CLASP1: variants seen among roughly 807,000 people sequenced by gnomAD.
The protein encoded by CLASP1 is cytoplasmic linker associated protein 1.
A neutral mutation model predicts 192.3 loss-of-function variants in CLASP1; 38 were observed. That is an observed-to-expected ratio of 0.20 (90% confidence interval 0.15 to 0.26). The LOEUF is 0.26. Ranked by LOEUF, CLASP1 falls within the 10% of genes least tolerant of loss-of-function variation. CLASP1 has a pLI of 1.00. For missense variants in CLASP1, 1,433 were observed against 1,932.5 expected (o/e 0.74, Z 4.85); for synonymous variants, 691 against 712.8 (o/e 0.97, Z 0.49).
chr2:121,445,418 G>A lies in CLASP1; in HGVS notation c.1912+1919C>T, dbSNP rs575876931. ...CTAGCAATGCCTATCCCAACTACAC[G>A]TCCAGCAGCAAAAGCTGTCGAGCAT... is the stretch of plus-strand genomic sequence containing the variant. On this transcript the variant is annotated intron_variant, in intron 19 of 39. Transcript: ENST00000263710. The A allele has an allele frequency of 9.2e-5, 118 of 1,277,906 alleles. 1 individual carries two copies. The East Asian group carries it at 2.1e-3, about 23-fold the overall frequency. The allele number at this position is 1,277,906 out of a possible 1,614,324, so 79.2% of individuals were successfully genotyped here. A position where few individuals can be genotyped will look rare whatever the true frequency, so the allele number is the denominator to read the frequency against.
In CLASP1 at chr2:121,392,105, T is replaced by C. The variant is rs558548984; in HGVS notation, c.3124-4199A>G. Among the ~76,000 whole-genome samples, 9 of 152,362 alleles carry C rather than the reference T, an allele frequency of 5.9e-5. No homozygotes were observed. The South Asian group carries it at 1.4e-3, about 25-fold the overall frequency. ...CCTGCTCTAGCCAACAGCATCTTTA[T>C]ACTTCTAGGTTTCTTCGCCACGCCT... is the stretch of plus-strand genomic sequence containing the variant. On this transcript the variant is annotated intron_variant, in intron 30 of 39. Transcript: ENST00000263710.
intron 8 of CLASP1, among the ~76,000 whole-genome samples, chr2:121,496,353 C>G (rs563355002): frequency 2.2e-4 from 34 of 152,196 alleles, no homozygotes; most frequent in Non-Finnish European, 4.6e-4. Flanking sequence ...ATCAGAACCT[C>G]TGCCCAAGAG....
intron 19 of CLASP1, among the ~76,000 whole-genome samples, chr2:121,445,169 G>GT (rs890218387): frequency 6.6e-6 from 1 of 152,174 alleles, no homozygotes; most frequent in Admixed American, 6.5e-5. Flanking sequence ...TAGCATAATG[G>GT]TTTTTTTGCC....
intron 23 of CLASP1, among the ~76,000 whole-genome samples, chr2:121,414,873 C>A (rs987923586): frequency 6.6e-6 from 1 of 152,114 alleles, no homozygotes; most frequent in Non-Finnish European, 1.5e-5. Context: ...AGCCTTGATT[C>A]CCCAGGCTCA....
chr2:121,470,709 T>C lies in CLASP1; in HGVS notation c.713-749A>G, dbSNP rs1480477816. On this transcript the variant is annotated intron_variant, in intron 8 of 39. Transcript: ENST00000263710. ...GGAATGAAAACCATAGAAGCAACAATAGTAGGTCAAAGAGTGTAAAAGTTC... is the reference window on the plus strand; with the variant it reads ...GGAATGAAAACCATAGAAGCAACAACAGTAGGTCAAAGAGTGTAAAAGTTC... 9.0e-6 allele frequency: 4 copies of C among 446,040 alleles called. 1 individual carries two copies. The highest frequency in any genetic ancestry group is 4.9e-5 in the South Asian group (3 of 61,662). 27.6% of individuals were successfully genotyped at this position (446,040 alleles called of 1,614,324 possible).
intron 37 of CLASP1, among the ~76,000 whole-genome samples, chr2:121,350,847 T>A (rs1382409347): frequency 1.3e-5 from 2 of 152,276 alleles, no homozygotes; most frequent in Non-Finnish European, 1.5e-5. Context: ...GGCGGTAAGA[T>A]AATGGATAAC....
At chr2:121,599,571 G>C (rs1434345510) in intron 2 of CLASP1, among the ~76,000 whole-genome samples, 3 of 125,426 alleles carry the variant, frequency 2.4e-5, no homozygotes, top group Non-Finnish European at 4.7e-5. Flanking sequence ...CTGGGCGAGA[G>C]AGTGAGACTC....
intron 37 of CLASP1, 142 bp downstream of exon 38, chr2:121,363,030 A>G: frequency 1.0e-6 from 1 of 995,890 alleles, no homozygotes; most frequent in Admixed American, 2.8e-5. Flanking sequence ...AGCAATGGGG[A>G]CTCCACTCTG....
At chr2:121,425,356 G>T (rs1248611536) in intron 21 of CLASP1, 50 bp from the exon 22 acceptor site, 2 of 1,534,612 alleles carry the variant, frequency 1.3e-6, no homozygotes, top group South Asian at 1.2e-5. Flanking sequence ...ATGTAGGAAT[G>T]AACTATAATA....
intron 34 of CLASP1, among the ~76,000 whole-genome samples, chr2:121,368,206 C>G (rs1372531795): frequency 8.5e-5 from 13 of 152,126 alleles, no homozygotes; most frequent in Non-Finnish European, 1.8e-4. Context: ...TCACTGCGGC[C>G]CTGGCCCACA....
At position 121,642,401 on chromosome 2, in the gene CLASP1, T is replaced by TAA. The variant is rs35181269; in HGVS notation, c.-286+6969_-286+6970dup. Among the ~76,000 whole-genome samples, 970 of 107,512 alleles carry TAA rather than the reference T, an allele frequency of 9.0e-3. 13 individuals are homozygous for TAA. Among genetic ancestry groups the TAA allele is most frequent in the Admixed American group, 0.048 (480 of 9,964 alleles). 70.5% of individuals were successfully genotyped at this position (107,512 alleles called of 152,430 possible). ...GGTGACAGAGCAGGTATCTTTTTGCTAAAAAAAAAAAAAAAAAGAAAAAAG... is the reference window on the plus strand; with the variant it reads ...GGTGACAGAGCAGGTATCTTTTTGCTAAAAAAAAAAAAAAAAAAAGAAAAAAG... On this transcript the variant is annotated intron_variant, in intron 1 of 39. Coordinates refer to ENST00000263710, the Ensembl canonical transcript of CLASP1.
chr2:121,370,016 T>C (rs1326412613), intron 34 of CLASP1, among the ~76,000 whole-genome samples: 1 of 152,220 alleles, frequency 6.6e-6, no homozygotes, highest in Non-Finnish European at 1.5e-5. Flanking sequence ...GTAATTTCTA[T>C]TAAAGCAAAG....
chr2:121,435,843 C>T (rs1184055250), intron 19 of CLASP1, among the ~76,000 whole-genome samples: 1 of 152,068 alleles, frequency 6.6e-6, no homozygotes, highest in Admixed American at 6.5e-5. Context: ...TATGCAGTTT[C>T]TCTCAATGGT....
At chr2:121,593,341 C>T (rs566208593) in intron 2 of CLASP1, among the ~76,000 whole-genome samples, 62 of 152,222 alleles carry the variant, frequency 4.1e-4, no homozygotes, top group African/African-American at 1.4e-3. Context: ...AAACTATGGC[C>T]GGGCACGGTG....
chr2:121,552,611 A>G (rs1240727229), intron 2 of CLASP1, among the ~76,000 whole-genome samples: 12 of 152,254 alleles, frequency 7.9e-5, no homozygotes, highest in Admixed American at 7.8e-4. Flanking sequence ...ATCACTGATC[A>G]TTAGAGAAAT....
At chr2:121,406,435 C>T (rs1301656156) in intron 25 of CLASP1, among the ~76,000 whole-genome samples, 1 of 152,080 alleles carries the variant, frequency 6.6e-6, no homozygotes, top group African/African-American at 2.4e-5. Flanking sequence ...ACATTTAATC[C>T]AAGACCCTAA....
chr2:121,481,289 TA>T (rs1277095384), intron 8 of CLASP1, among the ~76,000 whole-genome samples: 3 of 151,916 alleles, frequency 2.0e-5, no homozygotes, highest in Non-Finnish European at 4.4e-5. Context: ...AAAATGGGCT[TA>T]AAAGGCCATA....
chr2:121,576,369 ACATCATCTAGTGAGGAAAGCT>A (rs1327661279), intron 2 of CLASP1, among the ~76,000 whole-genome samples: 1 of 152,254 alleles, frequency 6.6e-6, no homozygotes, highest in Non-Finnish European at 1.5e-5. Flanking sequence ...AAAACAAAAC[ACATCATCTAGTGAGGAAAGCT>A]CATCATCTAG....
chr2:121,448,382 T>TACAAAC (rs1553536833), intron 17 of CLASP1, 57 bp from the exon 18 acceptor site: 1 of 1,334,812 alleles, frequency 7.5e-7, no homozygotes, highest in Non-Finnish European at 1.1e-6. Flanking sequence ...TTAATACAAA[T>TACAAAC]ACAAACTACA....
Sources: allele counts gnomAD v4.1 joint callset (sites outside exome capture counted in the v4.1 genomes callset), GRCh38; gene constraint gnomAD v4.1.1; transcripts MANE v1.5; gene names NCBI Gene and HGNC (gene_info 2026-07-23, HGNC 2026-07-21).